CYP4F12: variants seen among roughly 807,000 people sequenced by gnomAD.
CYP4F12 encodes the protein cytochrome P450 family 4 subfamily F member 12.
A neutral mutation model predicts 56.5 loss-of-function variants in CYP4F12; 60 were observed. The observed-to-expected ratio is 1.06, with a 90% confidence interval of 0.86 to 1.32. The LOEUF is 1.32. Among genes scored for constraint, CYP4F12 ranks in the 40% most tolerant of loss-of-function variants. CYP4F12 has a pLI of 0.00. For missense variants in CYP4F12, 711 were observed against 683.5 expected (o/e 1.04, Z -0.45); for synonymous variants, 263 against 264.9 (o/e 0.99, Z 0.07).
intron 9 of CYP4F12, among the ~76,000 whole-genome samples, chr19:15,689,045 G>A (rs748866413): frequency 3.3e-5 from 5 of 151,876 alleles, no homozygotes; most frequent in Non-Finnish European, 7.4e-5. Context: ...AAGAATTCGT[G>A]ACCAAGACCA....
At chr19:15,682,154 G>A (rs1414188507) in intron 5 of CYP4F12, 3 of 433,876 alleles carry the variant, frequency 6.9e-6, no homozygotes, top group Non-Finnish European at 1.3e-5. Context: ...GGCACATAGA[G>A]CATAGGAGAC....
At position 15,676,349 on chromosome 19, in the gene CYP4F12, A is replaced by G. The variant is rs1421632050; in HGVS notation, c.199-1912A>G. Among the ~76,000 whole-genome samples, 106 of 78,648 alleles carry G rather than the reference A, an allele frequency of 1.3e-3. 6 individuals are homozygous for G. Among genetic ancestry groups the G allele is most frequent in the South Asian group, 2.3e-3 (5 of 2,188 alleles). The allele number at this position is 78,648 out of a possible 152,430, so 51.6% of individuals were successfully genotyped here. On this transcript the variant is annotated intron_variant, in intron 2 of 12. Transcript: ENST00000550308. Reference sequence around the variant, plus strand: ...TTCCTCTCCTCACTCACTCATTCTAATACCAACTCACTCATTCCTCTCCTC... The same window carrying G: ...TTCCTCTCCTCACTCACTCATTCTAGTACCAACTCACTCATTCCTCTCCTC...
chr19:15,678,888 G>A (rs17682485), intron 3 of CYP4F12, among the ~76,000 whole-genome samples: 56,270 of 152,018 alleles, frequency 0.37, 10,687 homozygotes, highest in Middle Eastern at 0.52. Context: ...AGTCCAAAGC[G>A]GTAGGAGGAT....
chr19:15,677,130 T>TTCATCC (rs2006990932), intron 2 of CYP4F12, among the ~76,000 whole-genome samples: 1 of 98,000 alleles, frequency 1.0e-5, no homozygotes, highest in African/African-American at 3.7e-5. Flanking sequence ...CTCATTCATA[T>TTCATCC]CCTCACTCAC....
At chr19:15,683,916 A>G in intron 7 of CYP4F12, 153 bp downstream of exon 7, 2 of 945,882 alleles carry the variant, frequency 2.1e-6, no homozygotes, top group Admixed American at 5.7e-5. Context: ...AGATGACTTT[A>G]TTGCATGCAG....
At chr19:15,693,227 T>A (rs7252548) in intron 9 of CYP4F12, among the ~76,000 whole-genome samples, 43,424 of 151,964 alleles carry the variant, frequency 0.29, 6,775 homozygotes, top group African/African-American at 0.41. Context: ...CATTGGGCCA[T>A]AGGAGTGAAT....
chr19:15,682,342 C>A (rs754366357), intron 5 of CYP4F12, 47 bp from the exon 6 acceptor site: 7 of 1,604,664 alleles, frequency 4.4e-6, no homozygotes, highest in Admixed American at 1.7e-5. Context: ...GGGAGGGGCA[C>A]AAAGGAGGCA....
At position 15,683,571 on chromosome 19, in the gene CYP4F12, C is replaced by A; in HGVS notation, c.726C>A (p.His242Gln). The A allele has an allele frequency of 6.2e-7, 1 of 1,614,174 alleles. No homozygotes were observed. The highest frequency in any genetic ancestry group is 8.5e-7 in the Non-Finnish European group (1 of 1,180,022). The change falls in exon 7 of 13, where the codon CAC becomes CAA. Residue 242 changes from histidine to glutamine, a missense_variant. Coordinates refer to ENST00000550308, the MANE Select transcript of CYP4F12 (RefSeq NM_023944.4). ...AAAGAAGCCAGCATATCCTCCAGCA[C>A]ATGGACTTTCTGTATTACCTCTCCC... ...VEKRSQHILQHMDFLYYLSHD... is the reference protein window; with the variant it reads ...VEKRSQHILQQMDFLYYLSHD...
chr19:15,677,752 A>C lies in CYP4F12; in HGVS notation c.199-509A>C, dbSNP rs1313114790. Among the ~76,000 whole-genome samples, 29 of 121,272 alleles carry C rather than the reference A, an allele frequency of 2.4e-4. 2 individuals carry two copies. Among genetic ancestry groups the C allele is most frequent in the African/African-American group, 3.2e-4 (10 of 31,024 alleles). 79.6% of individuals were successfully genotyped at this position (121,272 alleles called of 152,430 possible). On this transcript the variant is annotated intron_variant, in intron 2 of 12. Transcript: ENST00000550308. ...CCTCTCCTCACTCACTCATTCCTCTACCCATGCACTCATTCTTCTCCTCAC... is the reference window on the plus strand; with the variant it reads ...CCTCTCCTCACTCACTCATTCCTCTCCCCATGCACTCATTCTTCTCCTCAC...
chr19:15,688,861 G>T (rs2007742704), intron 9 of CYP4F12, among the ~76,000 whole-genome samples: 1 of 152,270 alleles, frequency 6.6e-6, no homozygotes, highest in South Asian at 2.1e-4. Context: ...ATTGGGGAAA[G>T]ACACCCTATT....
chr19:15,683,943 A>G (rs1243352760), intron 7 of CYP4F12, 180 bp downstream of exon 7: 1 of 643,904 alleles, frequency 1.6e-6, no homozygotes, highest in African/African-American at 1.8e-5. Flanking sequence ...GGGCACTGCT[A>G]ATTCTGAAAC....
intron 9 of CYP4F12, among the ~76,000 whole-genome samples, chr19:15,693,697 A>C (rs1165040204): frequency 6.6e-6 from 1 of 150,550 alleles, no homozygotes; most frequent in Non-Finnish European, 1.5e-5. Flanking sequence ...GTTTAATTAG[A>C]TCCCATTTGT....
chr19:15,697,135 G>A lies in CYP4F12; in HGVS notation c.*50G>A, dbSNP rs376532273. On this transcript the variant is annotated 3_prime_UTR_variant, in exon 13 of 13. Transcript: ENST00000550308. ...TTTGCAGATTGTCATGAATAAAACG[G>A]TGCTGTCACCTCTGCCTGGGCCTCA... 8 of 1,574,666 alleles carry A rather than the reference G, an allele frequency of 5.1e-6. No homozygotes were observed. The highest frequency in any genetic ancestry group is 6.9e-6 in the Non-Finnish European group (8 of 1,154,668).
At chr19:15,685,370 C>T (rs2007550245) in intron 9 of CYP4F12, among the ~76,000 whole-genome samples, 173 bp downstream of exon 9, 1 of 152,156 alleles carries the variant, frequency 6.6e-6, no homozygotes, top group African/African-American at 2.4e-5. Context: ...GGAAAAGTTG[C>T]AGGCCTTTAG....
At chr19:15,682,557 G>A (rs1418499545) in intron 6 of CYP4F12, 47 bp downstream of exon 6, 1 of 1,608,582 alleles carries the variant, frequency 6.2e-7, no homozygotes, top group Non-Finnish European at 8.5e-7. Flanking sequence ...GGACCAAAGG[G>A]AGAAAGTTGG....
chr19:15,682,113 G>A (rs1814357819), intron 5 of CYP4F12: 1 of 305,422 alleles, frequency 3.3e-6, no homozygotes, highest in South Asian at 3.9e-5. Context: ...TTGACAGGTG[G>A]GACCTAGAGG....
chr19:15,682,334 G>C (rs1010404113), intron 5 of CYP4F12, 55 bp from the exon 6 acceptor site: 169 of 1,601,626 alleles, frequency 1.1e-4, no homozygotes, highest in South Asian at 3.2e-4. Flanking sequence ...TGGGACTGGG[G>C]AGGGGCACAA....
intron 9 of CYP4F12, among the ~76,000 whole-genome samples, chr19:15,689,465 T>G (rs1222212611): frequency 6.6e-6 from 1 of 152,226 alleles, no homozygotes; most frequent in Non-Finnish European, 1.5e-5. Flanking sequence ...AAACAATAGA[T>G]GTATGTTGTG....
intron 9 of CYP4F12, among the ~76,000 whole-genome samples, chr19:15,693,767 T>C (rs58752821): frequency 0.25 from 35,632 of 140,698 alleles, 5,120 homozygotes; most frequent in African/African-American, 0.36. Flanking sequence ...CTTGCCCATG[T>C]CTATGTCTTG....
Sources: allele counts gnomAD v4.1 joint callset (sites outside exome capture counted in the v4.1 genomes callset), GRCh38; gene constraint gnomAD v4.1.1; transcripts MANE v1.5; gene names NCBI Gene and HGNC (gene_info 2026-07-23, HGNC 2026-07-21).